Variants in DNM3 observed in about 807,000 individuals in gnomAD.
The protein encoded by DNM3 is dynamin-3.
A neutral mutation model predicts 101.6 loss-of-function variants in DNM3; 47 were observed. The observed-to-expected ratio is 0.46, with a 90% CI of 0.37 to 0.59. The LOEUF (loss-of-function observed/expected upper bound fraction) is 0.59. Ranked by LOEUF, DNM3 falls within the 20% of genes least tolerant of loss-of-function variation. The pLI is 0.00. For missense variants in DNM3, 849 were observed against 1,085.7 expected (o/e 0.78, Z 3.06); for synonymous variants, 385 against 387.9 (o/e 0.99, Z 0.09).
Position 172,409,331 on chromosome 1 carries a change from C to T in DNM3, c.*1490C>T. On this transcript the variant is annotated 3_prime_UTR_variant, in exon 21 of 21. Coordinates refer to ENST00000627582, the MANE Select transcript of DNM3 (RefSeq NM_015569.5). ...TTGTATGTTAACTTAACTTTAATTT[C>T]CTGTGTAGTTTACACCCAGAGCAGA... 1 of 985,228 alleles carries T rather than the reference C, an allele frequency of 1.0e-6. No individual in the cohort carries two copies. The allele number at this position is 985,228 out of a possible 1,614,324, so 61.0% of individuals were successfully genotyped here.
chr1:172,411,414 G>T lies in DNM3; in HGVS notation c.*3573G>T, dbSNP rs2071195613. Reference sequence around the variant, plus strand: ...CTTTGACAATATTTTTCGGTAAGAAGTAAAACCTCTGGAGACCTATCTTTA... The same window carrying T: ...CTTTGACAATATTTTTCGGTAAGAATTAAAACCTCTGGAGACCTATCTTTA... On this transcript the variant is annotated 3_prime_UTR_variant, in exon 21 of 21. Coordinates refer to ENST00000627582, the MANE Select transcript of DNM3 (RefSeq NM_015569.5). 2 of 984,814 alleles carry T rather than the reference G, an allele frequency of 2.0e-6. No homozygotes were observed. Among genetic ancestry groups the T allele is most frequent in the Non-Finnish European group, 2.4e-6 (2 of 829,700 alleles). 61.0% of individuals were successfully genotyped at this position (984,814 alleles called of 1,614,324 possible).
chr1:172,117,577 C>T (rs548839542), intron 13 of DNM3, among the ~76,000 whole-genome samples: 5 of 152,142 alleles, frequency 3.3e-5, no homozygotes, highest in African/African-American at 1.2e-4. Context: ...GATTCTGAGG[C>T]CTTCCCAGCC....
intron 17 of DNM3, among the ~76,000 whole-genome samples, chr1:172,330,598 C>T (rs978418770): frequency 1.3e-5 from 2 of 151,990 alleles, no homozygotes; most frequent in African/African-American, 4.8e-5. Flanking sequence ...ATTTTAACAG[C>T]ATGAGCAATA....
chr1:171,925,423 G>A (rs2040492070), intron 2 of DNM3, among the ~76,000 whole-genome samples: 1 of 151,512 alleles, frequency 6.6e-6, no homozygotes, highest in African/African-American at 2.4e-5. Context: ...GTAGAGATGG[G>A]GTTTCATCAT....
At chr1:172,034,732 G>T (rs1356733821) in intron 6 of DNM3, among the ~76,000 whole-genome samples, 1 of 152,016 alleles carries the variant, frequency 6.6e-6, no homozygotes, top group Non-Finnish European at 1.5e-5. Flanking sequence ...GCTCCTGTGG[G>T]ATAATTTATA....
chr1:172,172,740 A>G (rs2059008229), intron 14 of DNM3, among the ~76,000 whole-genome samples: 4 of 151,758 alleles, frequency 2.6e-5, no homozygotes, highest in Non-Finnish European at 5.9e-5. Flanking sequence ...ATGCCAAGCC[A>G]ACCACCAAAG....
chr1:172,056,384 G>A (rs1451549631), intron 10 of DNM3, among the ~76,000 whole-genome samples: 1 of 152,190 alleles, frequency 6.6e-6, no homozygotes, highest in African/African-American at 2.4e-5. Context: ...TCCACCTCTG[G>A]GGGCAGGGCA....
At chr1:172,400,023 C>G (rs2070346287) in intron 20 of DNM3, 1 of 152,126 alleles carries the variant, frequency 6.6e-6, no homozygotes, top group Non-Finnish European at 1.5e-5. Flanking sequence ...GGTTCTTGCT[C>G]CCTCTCAGAA....
intron 16 of DNM3, among the ~76,000 whole-genome samples, chr1:172,321,625 T>A (rs1433367552): frequency 1.3e-5 from 2 of 152,134 alleles, no homozygotes; most frequent in East Asian, 3.9e-4. Context: ...GATTAAGGCC[T>A]CCTACCCTGT....
intron 14 of DNM3, among the ~76,000 whole-genome samples, chr1:172,161,783 A>C (rs1479322913): frequency 1.3e-5 from 2 of 152,076 alleles, no homozygotes; most frequent in Non-Finnish European, 2.9e-5. Flanking sequence ...TTCTGAGGTA[A>C]AATAAACAAA....
At chr1:172,364,263 A>G (rs774299009) in intron 17 of DNM3, among the ~76,000 whole-genome samples, 3 of 151,946 alleles carry the variant, frequency 2.0e-5, no homozygotes, top group Non-Finnish European at 4.4e-5. Context: ...GATAGACTCT[A>G]CAAGTACAAC....
chr1:172,240,316 G>C (rs764097073), intron 14 of DNM3, among the ~76,000 whole-genome samples: 18 of 152,090 alleles, frequency 1.2e-4, no homozygotes, highest in Non-Finnish European at 2.9e-5. Context: ...CTCTTTTTGA[G>C]TGTTTCTTTG....
rs1034100264 is a variant in DNM3 at position 172,032,901 on chromosome 1, A to G, written c.689-204A>G. On this transcript the variant is annotated intron_variant, in intron 5 of 20. Coordinates refer to ENST00000627582, the MANE Select transcript of DNM3 (RefSeq NM_015569.5). ...GTTTGAGGGTGAGAGGCATTATTGTACTGATGCTAAAAAATTATCGTGGGC... is the reference window on the plus strand; with the variant it reads ...GTTTGAGGGTGAGAGGCATTATTGTGCTGATGCTAAAAAATTATCGTGGGC... 2.1e-4 allele frequency among the ~76,000 whole-genome samples: 32 copies of G among 152,282 alleles called. 1 individual carries two copies. The highest frequency in any genetic ancestry group is 1.4e-3 in the East Asian group (7 of 5,182).
At chr1:172,186,671 T>A (rs1484663893) in intron 14 of DNM3, among the ~76,000 whole-genome samples, 1 of 152,072 alleles carries the variant, frequency 6.6e-6, no homozygotes, top group African/African-American at 2.4e-5. Flanking sequence ...CAGCCCCCTC[T>A]CACTGAAGGA....
In DNM3 at chr1:171,921,807, T is replaced by C; in HGVS notation, c.221T>C (p.Val74Ala). 6.2e-7 allele frequency: 1 copy of C among 1,601,884 alleles called. No homozygotes were observed. Among genetic ancestry groups the C allele is most frequent in the Admixed American group, 1.7e-5 (1 of 58,448 alleles). Residue 74 changes from valine to alanine, a missense_variant, in exon 2 of 21, where the codon GTT becomes GCT. Val to Ala is a moderately conservative substitution (Grantham distance 64). Around this residue, in one of 5 missense-constraint regions of DNM3, gnomAD observed 388 missense variants for 483.0 expected, o/e 0.80. Coordinates refer to ENST00000627582, the MANE Select transcript of DNM3 (RefSeq NM_015569.5). ...AGACGACCTCTTGTGCTGCAGCTTG[T>C]TACTTCTAAAGCAGGTAATGAATGA... Reference protein sequence around the residue: ...VTRRPLVLQLVTSKAEYAEFL... With the variant: ...VTRRPLVLQLATSKAEYAEFL...
chr1:172,092,934 C>A, intron 13 of DNM3, 59 bp downstream of exon 13: 1 of 1,419,006 alleles, frequency 7.0e-7, no homozygotes, highest in Non-Finnish European at 9.5e-7. Context: ...AACTAAATCG[C>A]TTGATTGACT....
intron 14 of DNM3, among the ~76,000 whole-genome samples, chr1:172,208,478 A>G (rs1361056485): frequency 6.6e-6 from 1 of 152,082 alleles, no homozygotes; most frequent in African/African-American, 2.4e-5. Context: ...TTTATCAATC[A>G]GTTGAAGGCT....
intron 2 of DNM3, among the ~76,000 whole-genome samples, chr1:171,978,204 A>T (rs1166792722): frequency 2.0e-5 from 3 of 152,202 alleles, no homozygotes; most frequent in African/African-American, 7.2e-5. Context: ...ACAATAAAAA[A>T]CAAATACGAA....
intron 15 of DNM3, among the ~76,000 whole-genome samples, chr1:172,271,307 T>G (rs1182650385): frequency 6.6e-6 from 1 of 152,164 alleles, no homozygotes; most frequent in African/African-American, 2.4e-5. Flanking sequence ...CCAATTATAT[T>G]TATTGTTAGA....
Sources: allele counts gnomAD v4.1 joint callset (sites outside exome capture counted in the v4.1 genomes callset), GRCh38; gene constraint gnomAD v4.1.1; regional missense constraint gnomAD v4.1.1; transcripts MANE v1.5; gene names NCBI Gene and HGNC (gene_info 2026-07-23, HGNC 2026-07-21).